FRAS1: variants seen among roughly 807,000 people sequenced by gnomAD.
The protein encoded by FRAS1 is extracellular matrix organizing protein FRAS1.
In FRAS1, 290 loss-of-function variants were observed where a neutral mutation model predicts 435.2. The ratio of observed to expected loss-of-function variants is 0.67; its 90% CI spans 0.61 to 0.73. The LOEUF is 0.73. Ranked by LOEUF, FRAS1 falls within the 30% of genes least tolerant of loss-of-function variation. FRAS1 has a pLI of 0.00. For missense variants in FRAS1, 4,860 were observed against 5,001.5 expected (o/e 0.97, Z 0.85); for synonymous variants, 1,800 against 1,851.0 (o/e 0.97, Z 0.71).
chr4:78,537,216 A>C lies in FRAS1; in HGVS notation c.11298+16A>C. ...CCTGCTGTTGGTATGCTAAGTTCTC[A>C]CTATTAGTGTTAAAGAGCAGACACT... On this transcript the variant is annotated intron_variant, in intron 72 of 73. Coordinates refer to ENST00000512123, the MANE Select transcript of FRAS1 (RefSeq NM_025074.7). 1 of 1,609,442 alleles carries C rather than the reference A, an allele frequency of 6.2e-7. No individual in the cohort carries two copies. The highest frequency in any genetic ancestry group is 8.5e-7 in the Non-Finnish European group (1 of 1,177,680).
chr4:78,396,190 A>G (rs1439852811), intron 29 of FRAS1, among the ~76,000 whole-genome samples: 2 of 152,110 alleles, frequency 1.3e-5, no homozygotes, highest in East Asian at 1.9e-4. Flanking sequence ...TATATCATGT[A>G]TTCATTTAAA....
chr4:78,235,443 A>G (rs1427127810), intron 2 of FRAS1, among the ~76,000 whole-genome samples: 2 of 152,184 alleles, frequency 1.3e-5, no homozygotes, highest in East Asian at 1.9e-4. Context: ...ACTCTTCCCT[A>G]AAGTATTTTA....
At chr4:78,112,300 C>G (rs1261987544) in intron 2 of FRAS1, among the ~76,000 whole-genome samples, 1 of 152,074 alleles carries the variant, frequency 6.6e-6, no homozygotes, top group Non-Finnish European at 1.5e-5. Flanking sequence ...TATTGGGAAC[C>G]TGGCTTTTTA....
chr4:78,444,775 T>A lies in FRAS1; in HGVS notation c.5666-747T>A, dbSNP rs114409595. Reference sequence around the variant, plus strand: ...ATGAGAGGAGTAATCTGAGCCAGCATTTTCTGTGGAGCTCTGAATGGTAAC... The same window carrying A: ...ATGAGAGGAGTAATCTGAGCCAGCAATTTCTGTGGAGCTCTGAATGGTAAC... On this transcript the variant is annotated intron_variant, in intron 41 of 73. Coordinates refer to ENST00000512123, the MANE Select transcript of FRAS1 (RefSeq NM_025074.7). Among the ~76,000 whole-genome samples the A allele has an allele frequency of 2.6e-3, 393 of 152,298 alleles. 2 individuals carry two copies. Among genetic ancestry groups the A allele is most frequent in the African/African-American group, 9.0e-3 (372 of 41,550 alleles).
chr4:78,071,862 G>A (rs1336013622), intron 2 of FRAS1: 2 of 152,098 alleles, frequency 1.3e-5, no homozygotes, highest in Admixed American at 1.3e-4. Flanking sequence ...TTCTCACCCT[G>A]GGTGGAAGCT....
At chr4:78,455,430 T>C (rs1313868104) in intron 47 of FRAS1, among the ~76,000 whole-genome samples, 1 of 139,566 alleles carries the variant, frequency 7.2e-6, no homozygotes, top group Admixed American at 7.2e-5. Context: ...AGGGAGGGGG[T>C]TCTGTTATTT....
intron 33 of FRAS1, among the ~76,000 whole-genome samples, chr4:78,420,916 ATATATT>A (rs1403143949): frequency 7.3e-5 from 9 of 122,634 alleles, no homozygotes; most frequent in African/African-American, 1.7e-4. Context: ...ATATATATAT[ATATATT>A]TATATAAAGG....
chr4:78,136,545 T>C (rs910190796), intron 2 of FRAS1, among the ~76,000 whole-genome samples: 3 of 151,962 alleles, frequency 2.0e-5, no homozygotes, highest in Non-Finnish European at 4.4e-5. Flanking sequence ...ATAAGGAAAA[T>C]AGGATTATAA....
At chr4:78,405,388 G>A (rs1733059585) in intron 30 of FRAS1, among the ~76,000 whole-genome samples, 1 of 132,214 alleles carries the variant, frequency 7.6e-6, no homozygotes, top group Non-Finnish European at 1.6e-5. Flanking sequence ...GTTGAACCAG[G>A]GAGAGAAAGG....
rs1326536353 is a variant in FRAS1 at position 78,543,322 on chromosome 4, G to A, written c.*2198G>A. The A allele has an allele frequency of 6.6e-6, 1 of 152,236 alleles. No individual in the cohort carries two copies. Among genetic ancestry groups the A allele is most frequent in the African/African-American group, 2.4e-5 (1 of 41,444 alleles). 9.4% of individuals were successfully genotyped at this position (152,236 alleles called of 1,614,324 possible). ...TTGTAACTGTGTAACTGCTCCAAGT[G>A]CCAGAATGCTTACACGTTAAAGCAG... On this transcript the variant is annotated 3_prime_UTR_variant, in exon 74 of 74. Transcript: ENST00000512123.
chr4:78,393,008 CTT>C (rs36105436), intron 29 of FRAS1, among the ~76,000 whole-genome samples: 217 of 139,384 alleles, frequency 1.6e-3, no homozygotes, highest in African/African-American at 4.5e-3. Context: ...ATGCTTCTTC[CTT>C]TTTTTTTTTT....
At chr4:78,375,576 C>G (rs1386216403) in intron 25 of FRAS1, among the ~76,000 whole-genome samples, 163 bp from the exon 26 acceptor site, 1 of 152,188 alleles carries the variant, frequency 6.6e-6, no homozygotes, top group Non-Finnish European at 1.5e-5. Flanking sequence ...CTCTGTAGAT[C>G]AGCTCCCTAT....
intron 2 of FRAS1, among the ~76,000 whole-genome samples, chr4:78,115,322 A>G (rs570451983): frequency 1.3e-5 from 2 of 152,288 alleles, no homozygotes; most frequent in Non-Finnish European, 1.5e-5. Flanking sequence ...AGGCTTTGGT[A>G]TCAGGATGAT....
intron 70 of FRAS1, among the ~76,000 whole-genome samples, chr4:78,527,608 A>G (rs1167251887): frequency 6.6e-6 from 1 of 152,172 alleles, no homozygotes; most frequent in African/African-American, 2.4e-5. Flanking sequence ...TGGATTCGTC[A>G]ATACTGAGGT....
chr4:78,085,229 T>A (rs993453645), intron 2 of FRAS1, among the ~76,000 whole-genome samples: 4 of 152,152 alleles, frequency 2.6e-5, no homozygotes, highest in African/African-American at 9.6e-5. Flanking sequence ...AGATAGGAAA[T>A]GATATCTCAG....
intron 47 of FRAS1, among the ~76,000 whole-genome samples, chr4:78,452,944 G>A (rs986039368): frequency 2.6e-5 from 4 of 152,238 alleles, no homozygotes; most frequent in Non-Finnish European, 5.9e-5. Flanking sequence ...GGGTGAGAAA[G>A]TGCACAGAGG....
chr4:78,083,735 G>A (rs1741013720), intron 2 of FRAS1, among the ~76,000 whole-genome samples: 1 of 149,704 alleles, frequency 6.7e-6, no homozygotes, highest in South Asian at 2.1e-4. Flanking sequence ...AGGGTCAGGT[G>A]TTGTCAGTTT....
At chr4:78,442,889 T>G (rs1289602793) in intron 41 of FRAS1, among the ~76,000 whole-genome samples, 2 of 152,202 alleles carry the variant, frequency 1.3e-5, no homozygotes, top group African/African-American at 4.8e-5. Flanking sequence ...GGACCACACT[T>G]AGAGAACTGC....
At chr4:78,125,125 T>C (rs1264419333) in intron 2 of FRAS1, among the ~76,000 whole-genome samples, 1 of 152,236 alleles carries the variant, frequency 6.6e-6, no homozygotes, top group Non-Finnish European at 1.5e-5. Flanking sequence ...TGTGGGCATT[T>C]AATGCTATAA....
Sources: allele counts gnomAD v4.1 joint callset (sites outside exome capture counted in the v4.1 genomes callset), GRCh38; gene constraint gnomAD v4.1.1; transcripts MANE v1.5; gene names NCBI Gene and HGNC (gene_info 2026-07-23, HGNC 2026-07-21).